Variants in PLEK observed in about 807,000 individuals in gnomAD.
PLEK encodes the protein platelet 47 kDa protein.
A neutral mutation model predicts 43.9 loss-of-function variants in PLEK; 25 were observed. That is an observed-to-expected ratio of 0.57 (90% confidence interval 0.41 to 0.79). The LOEUF (loss-of-function observed/expected upper bound fraction) is 0.79. Ranked by LOEUF, PLEK falls within the 30% of genes least tolerant of loss-of-function variation. The probability of loss-of-function intolerance (pLI) is 0.00; values close to 1 mark genes in which losing one functional copy is unlikely to be tolerated. For synonymous variants in PLEK, 152 were observed against 144.4 expected, an observed-to-expected ratio of 1.05 and a Z score of -0.38; for missense variants, 396 against 413.3, an observed-to-expected ratio of 0.96 and a Z score of 0.36.
chr2:68,395,517 A>G (rs1558502361), intron 8 of PLEK, among the ~76,000 whole-genome samples, 163 bp from the exon 9 acceptor site: 2 of 152,288 alleles, frequency 1.3e-5, no homozygotes, highest in African/African-American at 2.4e-5. Context: ...TAACTGTGCA[A>G]TGAATTATCC....
intron 1 of PLEK, among the ~76,000 whole-genome samples, chr2:68,376,756 C>A (rs556193220): frequency 6.6e-6 from 1 of 152,192 alleles, no homozygotes; most frequent in East Asian, 1.9e-4. Context: ...AGCATTTATC[C>A]TTTGTGTTAC....
At chr2:68,376,144 C>A (rs1469545231) in intron 1 of PLEK, among the ~76,000 whole-genome samples, 1 of 152,152 alleles carries the variant, frequency 6.6e-6, no homozygotes, top group Non-Finnish European at 1.5e-5. Flanking sequence ...ATGGGAGACA[C>A]GGCTGTTGGA....
intron 1 of PLEK, among the ~76,000 whole-genome samples, chr2:68,369,684 CA>C (rs1279176730): frequency 2.6e-5 from 4 of 152,060 alleles, no homozygotes; most frequent in Non-Finnish European, 5.9e-5. Flanking sequence ...ATCTTCACCA[CA>C]ATGTGAAACA....
chr2:68,385,852 A>C (rs1673730311), intron 4 of PLEK, among the ~76,000 whole-genome samples: 1 of 152,190 alleles, frequency 6.6e-6, no homozygotes, highest in Non-Finnish European at 1.5e-5. Flanking sequence ...ACTGACTTAT[A>C]GCAGAGCACT....
chr2:68,384,687 G>A lies in PLEK; in HGVS notation c.473-1815G>A, dbSNP rs141474377. Reference sequence around the variant, plus strand: ...TGATGGAAGACCTTAAATGTCCGATGACAGGCAGACTAGACCAAACTTGTC... The same window carrying A: ...TGATGGAAGACCTTAAATGTCCGATAACAGGCAGACTAGACCAAACTTGTC... On this transcript the variant is annotated intron_variant, in intron 4 of 8. Coordinates refer to ENST00000234313, the MANE Select transcript of PLEK (RefSeq NM_002664.3). Among the ~76,000 whole-genome samples, 247 of 152,274 alleles carry A rather than the reference G, an allele frequency of 1.6e-3. 1 individual carries two copies. Among genetic ancestry groups the A allele is most frequent in the African/African-American group, 5.8e-3 (241 of 41,542 alleles).
At chr2:68,371,202 C>G (rs1673394470) in intron 1 of PLEK, among the ~76,000 whole-genome samples, 1 of 152,184 alleles carries the variant, frequency 6.6e-6, no homozygotes, top group African/African-American at 2.4e-5. Context: ...TGCTTGAATA[C>G]TTCTCTTGTT....
chr2:68,369,506 G>A (rs1025464133), intron 1 of PLEK, among the ~76,000 whole-genome samples: 2 of 142,814 alleles, frequency 1.4e-5, no homozygotes, highest in Non-Finnish European at 3.0e-5. Flanking sequence ...TTTTTGAGAT[G>A]GAGTTTTGCT....
chr2:68,393,206 A>C lies in PLEK; in HGVS notation c.807A>C (p.Arg269Ser), dbSNP rs1558501783. The C allele has an allele frequency of 6.2e-7, 1 of 1,613,114 alleles. No individual in the cohort carries two copies. The highest frequency in any genetic ancestry group is 8.5e-7 in the Non-Finnish European group (1 of 1,179,054). Residue 269 changes from arginine to serine, a missense_variant, in exon 7 of 9, where the codon AGA becomes AGC. Transcript: ENST00000234313. ...GGAAAGTGAGGAAGTTCATCTTGAGAGAAGACCCTGCCTACCTGCACTACT... is the reference window on the plus strand; with the variant it reads ...GGAAAGTGAGGAAGTTCATCTTGAGCGAAGACCCTGCCTACCTGCACTACT... ...KNWKVRKFIL[R>S]EDPAYLHYYD...
At chr2:68,391,476 A>G (rs868479582) in intron 6 of PLEK, among the ~76,000 whole-genome samples, 21 of 152,372 alleles carry the variant, frequency 1.4e-4, no homozygotes, top group African/African-American at 4.8e-4. Context: ...ATGCTTTGCA[A>G]AAGCCATTTT....
At chr2:68,368,697 A>C (rs1822470) in intron 1 of PLEK, among the ~76,000 whole-genome samples, 1 of 152,034 alleles carries the variant, frequency 6.6e-6, no homozygotes, top group Non-Finnish European at 1.5e-5. Flanking sequence ...GTTCATCATC[A>C]TAACTGGAAA....
chr2:68,368,599 G>A (rs1673328412), intron 1 of PLEK, among the ~76,000 whole-genome samples: 1 of 152,198 alleles, frequency 6.6e-6, no homozygotes, highest in Non-Finnish European at 1.5e-5. Flanking sequence ...AAAAACCTCA[G>A]CCTCCTTTCC....
At chr2:68,373,096 C>T (rs2103761208) in intron 1 of PLEK, among the ~76,000 whole-genome samples, 1 of 152,162 alleles carries the variant, frequency 6.6e-6, no homozygotes, top group Non-Finnish European at 1.5e-5. Context: ...CTTGGGTGAG[C>T]ATCAAGTGGG....
chr2:68,378,803 G>A (rs10187388), intron 1 of PLEK, among the ~76,000 whole-genome samples: 80,171 of 151,978 alleles, frequency 0.53, 22,685 homozygotes, highest in East Asian at 0.76. Context: ...CTTAGAGAGG[G>A]CAAGTGGCTT....
chr2:68,368,352 T>G (rs1673324159), intron 1 of PLEK, among the ~76,000 whole-genome samples: 2 of 152,224 alleles, frequency 1.3e-5, no homozygotes, highest in South Asian at 4.1e-4. Context: ...CCCTATGTGA[T>G]CCTCATCTTA....
intron 1 of PLEK, among the ~76,000 whole-genome samples, chr2:68,379,575 GGCAGTTCTTACA>G (rs1355207282): frequency 6.6e-6 from 1 of 152,026 alleles, no homozygotes; most frequent in Non-Finnish European, 1.5e-5. Flanking sequence ...AAGATCTGCC[GGCAGTTCTTACA>G]CATAGCGGGG....
intron 4 of PLEK, among the ~76,000 whole-genome samples, chr2:68,385,345 T>A (rs1673715867): frequency 6.6e-6 from 1 of 152,222 alleles, no homozygotes; most frequent in African/African-American, 2.4e-5. Context: ...TTTCTTCTCT[T>A]TGCAATCATC....
intron 6 of PLEK, among the ~76,000 whole-genome samples, chr2:68,392,402 T>A (rs1172983258): frequency 3.3e-5 from 5 of 152,198 alleles, no homozygotes; most frequent in African/African-American, 1.2e-4. Flanking sequence ...ATCCTGCACT[T>A]TGTCACCATA....
intron 2 of PLEK, 37 bp downstream of exon 2, chr2:68,380,520 C>T: frequency 1.3e-6 from 2 of 1,597,596 alleles, no homozygotes; most frequent in South Asian, 1.1e-5. Context: ...AACCCCTGGT[C>T]AGGCACTCAA....
At chr2:68,379,057 C>T (rs1034360284) in intron 1 of PLEK, among the ~76,000 whole-genome samples, 5 of 152,142 alleles carry the variant, frequency 3.3e-5, no homozygotes, top group Non-Finnish European at 5.9e-5. Context: ...TTGCTTGAAC[C>T]TGACAGGCGG....
Sources: gnomAD v4.1 joint callset for allele counts (sites outside exome capture counted in the v4.1 genomes callset) on GRCh38, gnomAD v4.1.1 for gene constraint, MANE v1.5 for transcripts, NCBI Gene and HGNC (gene_info 2026-07-23, HGNC 2026-07-21) for gene names.